THSD4: variants seen among roughly 807,000 people sequenced by gnomAD.
THSD4 encodes thrombospondin type-1 domain-containing protein 4.
THSD4 carries 69 observed loss-of-function variants against 119.0 expected under a neutral mutation model. That is an observed-to-expected ratio of 0.58 (90% CI 0.48 to 0.71). The LOEUF is 0.71. Ranked by LOEUF, THSD4 falls within the 30% of genes least tolerant of loss-of-function variation. The pLI is 0.00. For missense variants in THSD4, 1,393 were observed against 1,391.1 expected (o/e 1.00, Z -0.02); for synonymous variants, 524 against 540.4 (o/e 0.97, Z 0.42).
At chr15:71,731,296 A>C in intron 10 of THSD4, 79 bp downstream of exon 10, 1 of 1,368,676 alleles carries the variant, frequency 7.3e-7, no homozygotes, top group Non-Finnish European at 1.0e-6. Context: ...TTGTGCATCC[A>C]CCCTCTGTCT....
At chr15:71,269,500 A>G (rs1360257712) in intron 6 of THSD4, among the ~76,000 whole-genome samples, 2 of 152,220 alleles carry the variant, frequency 1.3e-5, no homozygotes, top group Non-Finnish European at 2.9e-5. Flanking sequence ...GTCATACTGA[A>G]TGGGCAAAAG....
In THSD4 at chr15:71,135,923, C is replaced by T. The variant is rs1166691803; in HGVS notation, c.-79-5526C>T. On this transcript the variant is annotated intron_variant, in intron 1 of 17. Transcript: ENST00000261862. ...CCTGTCCTCTGTCATTCACACTGGG[C>T]TCTTTCTCCAGTATGGGGTTTGTTC... is the stretch of plus-strand genomic sequence containing the variant. Among the ~76,000 whole-genome samples the T allele has an allele frequency of 2.0e-5, 3 of 151,396 alleles. No individual in the cohort carries two copies. The East Asian group carries it at 5.8e-4, about 29-fold the overall frequency.
intron 7 of THSD4, among the ~76,000 whole-genome samples, chr15:71,493,131 A>G (rs923042944): frequency 1.3e-5 from 2 of 152,226 alleles, no homozygotes; most frequent in Non-Finnish European, 2.9e-5. Context: ...GTTTGGGAAG[A>G]CTTTAGTAAG....
At chr15:71,662,944 A>C (rs1238022673) in intron 8 of THSD4, among the ~76,000 whole-genome samples, 1 of 152,084 alleles carries the variant, frequency 6.6e-6, no homozygotes, top group Non-Finnish European at 1.5e-5. Context: ...AAGGGAAGGC[A>C]GAGGGAAAAT....
intron 7 of THSD4, among the ~76,000 whole-genome samples, chr15:71,517,135 T>C (rs2048372897): frequency 1.3e-5 from 2 of 152,226 alleles, no homozygotes; most frequent in African/African-American, 2.4e-5. Flanking sequence ...TGAATTAATT[T>C]AAGAACTGCT....
chr15:71,629,341 G>T (rs923894757), intron 7 of THSD4, among the ~76,000 whole-genome samples: 4 of 152,140 alleles, frequency 2.6e-5, no homozygotes, highest in African/African-American at 9.7e-5. Context: ...GGGCAGGGCG[G>T]CCAGACAGTA....
chr15:71,488,398 A>T (rs1308526241), intron 7 of THSD4, among the ~76,000 whole-genome samples: 1 of 152,180 alleles, frequency 6.6e-6, no homozygotes, highest in African/African-American at 2.4e-5. Context: ...TTCATTTTTG[A>T]AATCTTTGTT....
At chr15:71,368,312 G>T (rs1343194209) in intron 6 of THSD4, among the ~76,000 whole-genome samples, 4 of 152,124 alleles carry the variant, frequency 2.6e-5, no homozygotes, top group Non-Finnish European at 4.4e-5. Flanking sequence ...GTCAGTTTTG[G>T]CTTTTGTTGC....
At chr15:71,152,613 C>A (rs1006358307) in intron 2 of THSD4, among the ~76,000 whole-genome samples, 1 of 152,110 alleles carries the variant, frequency 6.6e-6, no homozygotes, top group African/African-American at 2.4e-5. Flanking sequence ...CACTCACTGC[C>A]ATTGTGAATT....
chr15:71,505,183 G>C (rs2048169078), intron 7 of THSD4, among the ~76,000 whole-genome samples: 1 of 148,792 alleles, frequency 6.7e-6, no homozygotes, highest in Non-Finnish European at 1.5e-5. Flanking sequence ...CCTTCCTTAT[G>C]CTCACCTCCC....
rs74473756 is a variant in THSD4 at position 71,168,430 on chromosome 15, C to CT, written c.99+13507dup. 2.6e-4 allele frequency among the ~76,000 whole-genome samples: 40 copies of CT among 151,688 alleles called. No homozygotes were observed. The East Asian group carries it at 7.3e-3, about 28-fold the overall frequency. On this transcript the variant is annotated intron_variant, in intron 3 of 17. Transcript: ENST00000261862. ...TACACTTTAATCACAACTGCTCAAACTTTTTTTTTGTTAACTTTTTAAATT... is the reference window on the plus strand; with the variant it reads ...TACACTTTAATCACAACTGCTCAAACTTTTTTTTTTGTTAACTTTTTAAATT...
At chr15:71,656,862 C>T (rs2051201664) in intron 7 of THSD4, among the ~76,000 whole-genome samples, 1 of 152,040 alleles carries the variant, frequency 6.6e-6, no homozygotes, top group Non-Finnish European at 1.5e-5. Context: ...TTTCCGAGGA[C>T]CTAGAAGATA....
At chr15:71,448,968 C>G (rs2047227069) in intron 7 of THSD4, among the ~76,000 whole-genome samples, 1 of 152,186 alleles carries the variant, frequency 6.6e-6, no homozygotes, top group South Asian at 2.1e-4. Flanking sequence ...AAACACATTT[C>G]ATGAGTACAT....
intron 7 of THSD4, among the ~76,000 whole-genome samples, chr15:71,456,415 A>G (rs1276466750): frequency 6.6e-6 from 1 of 152,234 alleles, no homozygotes. Flanking sequence ...AAAGAAAAAA[A>G]GCATTGTTTC....
At chr15:71,658,816 T>C (rs1461245320) in intron 7 of THSD4, among the ~76,000 whole-genome samples, 3 of 152,208 alleles carry the variant, frequency 2.0e-5, no homozygotes, top group African/African-American at 7.2e-5. Flanking sequence ...TCAGAGATAA[T>C]GTTTTACAGA....
intron 3 of THSD4, among the ~76,000 whole-genome samples, chr15:71,210,340 G>A (rs1171236323): frequency 6.6e-6 from 1 of 152,150 alleles, no homozygotes; most frequent in Non-Finnish European, 1.5e-5. Context: ...CCTTCGGTTG[G>A]CCTGTATTCT....
At chr15:71,772,927 G>C (rs2053847096) in intron 17 of THSD4, among the ~76,000 whole-genome samples, 1 of 151,998 alleles carries the variant, frequency 6.6e-6, no homozygotes, top group Non-Finnish European at 1.5e-5. Flanking sequence ...AAGTATCTTG[G>C]GCTGGATGCA....
At chr15:71,654,411 T>C (rs1227084436) in intron 7 of THSD4, among the ~76,000 whole-genome samples, 1 of 152,208 alleles carries the variant, frequency 6.6e-6, no homozygotes, top group African/African-American at 2.4e-5. Flanking sequence ...ATTAACTGTT[T>C]CCTTATGTTG....
chr15:71,620,640 G>A (rs189334446), intron 7 of THSD4, among the ~76,000 whole-genome samples: 4 of 152,156 alleles, frequency 2.6e-5, no homozygotes, highest in South Asian at 2.1e-4. Flanking sequence ...TAATGATAGT[G>A]GTGACAAATA....
Sources: gnomAD v4.1 joint callset for allele counts (sites outside exome capture counted in the v4.1 genomes callset) on GRCh38, gnomAD v4.1.1 for gene constraint, MANE v1.5 for transcripts, NCBI Gene and HGNC (gene_info 2026-07-23, HGNC 2026-07-21) for gene names.